Variants in RAI1 observed in about 807,000 individuals in gnomAD.
RAI1 encodes the protein retinoic acid induced 1.
In RAI1, 9 loss-of-function variants were observed where a neutral mutation model predicts 123.8. The ratio of observed to expected loss-of-function variants is 0.07; its 90% CI spans 0.04 to 0.13. The LOEUF is 0.13. RAI1 is among the 10% of genes least tolerant of loss of function. The probability of loss-of-function intolerance (pLI) is 1.00; values close to 1 mark genes in which losing one functional copy is unlikely to be tolerated. For missense variants in RAI1, 2,256 were observed against 2,545.8 expected, an observed-to-expected ratio of 0.89 and a Z score of 2.45; for synonymous variants, 1,231 against 1,127.3, an observed-to-expected ratio of 1.09 and a Z score of -1.84.
Position 17,685,991 on chromosome 17 carries a change from A to G in RAI1, c.-149+4198A>G, listed in dbSNP as rs1020510942. Among the ~76,000 whole-genome samples, 1 of 152,258 alleles carries G rather than the reference A, an allele frequency of 6.6e-6. No homozygotes were observed. The highest frequency in any genetic ancestry group is 1.5e-5 in the Non-Finnish European group (1 of 68,044). The stretch of plus-strand genomic sequence containing the variant: ...CTCCTCCTCTGACCTCCGAGGCAGA[A>G]TGAGTCATCTCCCTTTGTCTATACT... On this transcript the variant is annotated intron_variant, in intron 1 of 5. Coordinates refer to ENST00000353383, the MANE Select transcript of RAI1 (RefSeq NM_030665.4). This position sits in a 1 kb window ranked among gnomAD's most constrained non-coding sequence, Gnocchi z 4.0.
chr17:17,797,507 C>T lies in RAI1; in HGVS notation c.4559C>T (p.Thr1520Ile). The T allele has an allele frequency of 1.9e-6, 3 of 1,613,548 alleles. No individual in the cohort carries two copies. The highest frequency in any genetic ancestry group is 2.5e-6 in the Non-Finnish European group (3 of 1,179,762). The change falls in exon 3 of 6, where the codon ACA becomes ATA. Residue 1520 changes from threonine (T) to isoleucine (I), a missense_variant. By Grantham distance (89) the Thr-to-Ile change is moderately conservative. Around this residue, in one of 7 missense-constraint regions of RAI1, gnomAD observed 410 missense variants for 374.6 expected, o/e 1.09. Transcript: ENST00000353383. ...PPEGRPCQPQ[T>I]RAQKQPGHTN... ...GAGGGCAGGCCCTGCCAGCCCCAGA[C>T]AAGGGCACAGAAACAGCCAGGCCAC... is the stretch of plus-strand genomic sequence containing the variant.
intron 1 of RAI1, among the ~76,000 whole-genome samples, chr17:17,703,674 C>T (rs1448661679): frequency 6.6e-6 from 1 of 152,076 alleles, no homozygotes; most frequent in Non-Finnish European, 1.5e-5. Context: ...GGGGCTTGCT[C>T]TGTTTGCCGA....
chr17:17,697,832 C>T (rs866057239), intron 1 of RAI1, among the ~76,000 whole-genome samples: 4 of 152,218 alleles, frequency 2.6e-5, no homozygotes, highest in Admixed American at 6.5e-5. Context: ...GCAGTATCCA[C>T]AGCAGGTCAC....
chr17:17,686,110 CT>C (rs1914619654), intron 1 of RAI1, among the ~76,000 whole-genome samples: 1 of 152,274 alleles, frequency 6.6e-6, no homozygotes, highest in South Asian at 2.1e-4. Context: ...AGCACGTCTC[CT>C]TGCTCTCTCC....
At chr17:17,778,501 C>T in intron 2 of RAI1, 1 of 346,092 alleles carries the variant, frequency 2.9e-6, no homozygotes, top group South Asian at 2.2e-5. Context: ...GTAAACTGCC[C>T]AAGGTCACCC....
Position 17,810,742 on chromosome 17 carries a change from C to A in RAI1, c.*761C>A, listed in dbSNP as rs747272504. The A allele has an allele frequency of 7.8e-5, 35 of 446,576 alleles. No individual in the cohort carries two copies. Among genetic ancestry groups the A allele is most frequent in the African/African-American group, 6.2e-4 (31 of 49,758 alleles). The allele number at this position is 446,576 out of a possible 1,614,324, so 27.7% of individuals were successfully genotyped here. On this transcript the variant is annotated 3_prime_UTR_variant, in exon 6 of 6. Transcript: ENST00000353383. This position sits in a 1 kb window ranked among gnomAD's most constrained non-coding sequence, Gnocchi z 4.6. ...GTTTGTCCCCTTTCCAGTCCTCCAC[C>A]CCACCCCTGGAGCCCAGCCTGGGAG... is the stretch of plus-strand genomic sequence containing the variant.
chr17:17,810,758 A>C lies in RAI1; in HGVS notation c.*777A>C. The C allele has an allele frequency of 4.4e-6, 2 of 451,004 alleles. No individual in the cohort carries two copies. The highest frequency in any genetic ancestry group is 9.0e-6 in the Non-Finnish European group (2 of 222,974). The allele number at this position is 451,004 out of a possible 1,614,324, so 27.9% of individuals were successfully genotyped here. On this transcript the variant is annotated 3_prime_UTR_variant, in exon 6 of 6. Coordinates refer to ENST00000353383, the MANE Select transcript of RAI1 (RefSeq NM_030665.4). This position sits in a 1 kb window ranked among gnomAD's most constrained non-coding sequence, Gnocchi z 4.6. Reference sequence around the variant, plus strand: ...GTCCTCCACCCCACCCCTGGAGCCCAGCCTGGGAGCGCAAAACCCAAGAAG... The same window carrying C: ...GTCCTCCACCCCACCCCTGGAGCCCCGCCTGGGAGCGCAAAACCCAAGAAG...
intron 1 of RAI1, among the ~76,000 whole-genome samples, chr17:17,686,608 T>TGCGCGCGCGCGC (rs1555552150): frequency 4.4e-5 from 6 of 137,764 alleles, no homozygotes; most frequent in African/African-American, 1.7e-4. Context: ...TGTGTGTGTG[T>TGCGCGCGCGCGC]GCACGCGCGC....
At position 17,742,415 on chromosome 17, in the gene RAI1, T is replaced by TTGAA. The variant is rs367761123; in HGVS notation, c.-17+18281_-17+18284dup. The stretch of plus-strand genomic sequence containing the variant: ...GTTGCTCAGAGGGTCAGATCTTGGT[T>TTGAA]TGAATGAATGAATGAATGAATGAAT... On this transcript the variant is annotated intron_variant, in intron 2 of 5. Coordinates refer to ENST00000353383, the MANE Select transcript of RAI1 (RefSeq NM_030665.4). Among the ~76,000 whole-genome samples the TTGAA allele has an allele frequency of 4.2e-3, 644 of 152,126 alleles. 1 individual carries two copies. The highest frequency in any genetic ancestry group is 0.011 in the East Asian group (57 of 5,172).
At chr17:17,773,998 T>G (rs964783844) in intron 2 of RAI1, among the ~76,000 whole-genome samples, 15 of 152,212 alleles carry the variant, frequency 9.9e-5, no homozygotes, top group Non-Finnish European at 1.8e-4. Flanking sequence ...AGGTAAGTAA[T>G]TACTTACCTA....
chr17:17,686,600 T>C (rs1455128229), intron 1 of RAI1, among the ~76,000 whole-genome samples: 1 of 146,124 alleles, frequency 6.8e-6, no homozygotes, highest in Non-Finnish European at 1.5e-5. Context: ...TGTGTGTGTG[T>C]GTGTGTGTGC....
intron 1 of RAI1, chr17:17,684,719 T>TGTAG (rs1914572411): frequency 6.7e-6 from 1 of 149,738 alleles, no homozygotes; most frequent in African/African-American, 2.5e-5. Context: ...TATGTATGTA[T>TGTAG]GTATATTACA....
intron 1 of RAI1, among the ~76,000 whole-genome samples, chr17:17,716,705 G>A (rs1026385186): frequency 3.9e-5 from 6 of 152,042 alleles, no homozygotes; most frequent in Non-Finnish European, 8.8e-5. Context: ...GTGTGTCTAC[G>A]TGTGTGTCTG....
chr17:17,809,578 C>G lies in RAI1; in HGVS notation c.5709+139C>G. ...CAGCCCTAGGGGAGGGAGCTCTCCCCGCCCACCCCCAGGAGCCCCCGCCGC... is the reference window on the plus strand; with the variant it reads ...CAGCCCTAGGGGAGGGAGCTCTCCCGGCCCACCCCCAGGAGCCCCCGCCGC... On this transcript the variant is annotated intron_variant, in intron 5 of 5. Transcript: ENST00000353383. This position sits in a 1 kb window ranked among gnomAD's most constrained non-coding sequence, Gnocchi z 4.9. 1 of 929,366 alleles carries G rather than the reference C, an allele frequency of 1.1e-6. No homozygotes were observed. Among genetic ancestry groups the G allele is most frequent in the Non-Finnish European group, 1.6e-6 (1 of 613,128 alleles). 57.6% of individuals were successfully genotyped at this position (929,366 alleles called of 1,614,324 possible). A position where few individuals can be genotyped will look rare whatever the true frequency, so the allele number is the denominator to read the frequency against.
chr17:17,760,722 T>G (rs985611198), intron 2 of RAI1, among the ~76,000 whole-genome samples: 2 of 152,238 alleles, frequency 1.3e-5, no homozygotes, highest in African/African-American at 2.4e-5. Context: ...TAAAATAAAA[T>G]GTGTTCCAGG....
rs147321650 is a variant in RAI1, at chr17:17,796,480, C to G, written c.3532C>G (p.Leu1178Val). 3.7e-6 allele frequency: 6 copies of G among 1,611,528 alleles called. No individual in the cohort carries two copies. The African/African-American group carries it at 8.0e-5, about 22-fold the overall frequency. Residue 1178 changes from leucine (L) to valine (V), a missense_variant, in exon 3 of 6, where the codon CTC becomes GTC. By Grantham distance (32) the Leu-to-Val change is conservative. Transcript: ENST00000353383. The surrounding 1 kb of genome is among the most constrained non-coding windows in gnomAD (Gnocchi z 5.8). ...CAACTGCCGTGCCACCAAGAAGCTC[C>G]TCGACAACAGCCACTTGCCCGCCAC... ...LPNCRATKKL[L>V]DNSHLPATFK...
chr17:17,810,087 C>A lies in RAI1; in HGVS notation c.*106C>A. 1 of 1,440,738 alleles carries A rather than the reference C, an allele frequency of 6.9e-7. No individual in the cohort carries two copies. The highest frequency in any genetic ancestry group is 9.3e-7 in the Non-Finnish European group (1 of 1,070,464). The allele number at this position is 1,440,738 out of a possible 1,614,324, so 89.2% of individuals were successfully genotyped here. ...CCCCGGGCCTTTGAGCTGCTCCCAG[C>A]GCTGGTCCAGAGCCGATCCTTGATC... On this transcript the variant is annotated 3_prime_UTR_variant, in exon 6 of 6. Coordinates refer to ENST00000353383, the MANE Select transcript of RAI1 (RefSeq NM_030665.4). The surrounding 1 kb of genome is among the most constrained non-coding windows in gnomAD (Gnocchi z 4.6).
intron 1 of RAI1, among the ~76,000 whole-genome samples, chr17:17,710,124 G>A (rs1213269618): frequency 2.0e-5 from 3 of 152,198 alleles, no homozygotes; most frequent in African/African-American, 7.2e-5. Context: ...ACACAGACAC[G>A]CACCTGGTCA....
chr17:17,799,097 T>C lies in RAI1; in HGVS notation c.5565+584T>C, dbSNP rs1010917960. 6.6e-6 allele frequency among the ~76,000 whole-genome samples: 1 copy of C among 152,142 alleles called. No homozygotes were observed. The highest frequency in any genetic ancestry group is 2.4e-5 in the African/African-American group (1 of 41,424). ...CAGGGCGGGGCAGATCCAGACCCTC[T>C]CACCATTGGCTCTGAGACCAGCTTT... is the stretch of plus-strand genomic sequence containing the variant. On this transcript the variant is annotated intron_variant, in intron 3 of 5. Coordinates refer to ENST00000353383, the MANE Select transcript of RAI1 (RefSeq NM_030665.4). The surrounding 1 kb of genome is among the most constrained non-coding windows in gnomAD (Gnocchi z 4.5).
Sources: gnomAD v4.1 joint callset for allele counts (sites outside exome capture counted in the v4.1 genomes callset) on GRCh38, gnomAD v4.1.1 for gene constraint, gnomAD v4.1.1 regional missense constraint, Gnocchi (gnomAD v3.1) non-coding constraint, MANE v1.5 for transcripts, NCBI Gene and HGNC (gene_info 2026-07-23, HGNC 2026-07-21) for gene names.